The following KRT8 variants were observed in gnomAD, a reference collection of about 807,000 sequenced individuals.
The protein encoded by KRT8 is keratin 8.
KRT8 carries 24 observed loss-of-function variants against 43.0 expected under a neutral mutation model. That is an observed-to-expected ratio of 0.56 (90% CI 0.40 to 0.78). KRT8 has a LOEUF of 0.78. Ranked by LOEUF, KRT8 falls within the 30% of genes least tolerant of loss-of-function variation. The pLI, the probability that KRT8 is intolerant of heterozygous loss-of-function variation, is 0.00. For synonymous variants in KRT8, 214 were observed against 261.2 expected (o/e 0.82, Z 1.74); for missense variants, 492 against 638.4 (o/e 0.77, Z 2.47).
chr12:52,899,756 C>T lies in KRT8; in HGVS notation c.981+19G>A. On this transcript the variant is annotated intron_variant, in intron 5 of 7. Transcript: ENST00000692008. ...GGATGTGTCCAAGGAACCCCTCCCA[C>T]CCCCAACCCGGCCCATACCTGGCCT... 6.2e-7 allele frequency: 1 copy of T among 1,604,484 alleles called. No homozygotes were observed. The highest frequency in any genetic ancestry group is 8.5e-7 in the Non-Finnish European group (1 of 1,173,210).
chr12:52,912,370 C>G (rs1941652915), intron 2 of KRT8, among the ~76,000 whole-genome samples: 3 of 152,202 alleles, frequency 2.0e-5, no homozygotes, highest in Admixed American at 6.5e-5. Flanking sequence ...TTGGAAAAGT[C>G]CCCTTTACAA....
At chr12:52,916,160 A>G (rs1209560336) in intron 2 of KRT8, among the ~76,000 whole-genome samples, 1 of 152,160 alleles carries the variant, frequency 6.6e-6, no homozygotes, top group Non-Finnish European at 1.5e-5. Context: ...TGCAGGCTGC[A>G]GGAAGGGAGG....
At chr12:52,933,954 G>C (rs1042865117) in intron 2 of KRT8, among the ~76,000 whole-genome samples, 3 of 151,630 alleles carry the variant, frequency 2.0e-5, no homozygotes, top group Non-Finnish European at 2.9e-5. Flanking sequence ...GAATAGCCGG[G>C]AACGGTGGCT....
chr12:52,900,698 G>A lies in KRT8; in HGVS notation c.595-15C>T, dbSNP rs570641302. The A allele has an allele frequency of 9.5e-6, 15 of 1,583,408 alleles. No individual in the cohort carries two copies. The African/African-American group carries it at 1.2e-4, about 13-fold the overall frequency. On this transcript the variant is annotated splice_polypyrimidine_tract_variant and intron_variant, in intron 3 of 7. Transcript: ENST00000692008. The stretch of plus-strand genomic sequence containing the variant: ...TCATCCACATCCTGGGGGATGAGGA[G>A]AGGGGAGCCTGAGCTGGGTTTCCAC...
At chr12:52,934,092 G>A (rs1419137056) in intron 2 of KRT8, among the ~76,000 whole-genome samples, 2 of 151,846 alleles carry the variant, frequency 1.3e-5, no homozygotes, top group African/African-American at 4.8e-5. Context: ...AGCCGGGCAT[G>A]GTGGCATGTG....
intron 2 of KRT8, chr12:52,926,336 T>TGG: frequency 2.6e-6 from 1 of 385,516 alleles, no homozygotes; most frequent in East Asian, 5.4e-5. Context: ...CTAGCTGCCC[T>TGG]CCCCACCCCA....
upstream of KRT8, among the ~76,000 whole-genome samples, chr12:52,908,717 ATGG>A (rs1326182751): frequency 6.6e-6 from 1 of 152,152 alleles, no homozygotes; most frequent in Admixed American, 6.6e-5. Flanking sequence ...TCTAAATTTG[ATGG>A]TGGTGGGCAG....
At chr12:52,901,249 T>A (rs1365756671) in intron 2 of KRT8, 30 bp from the exon 3 acceptor site, 1 of 1,564,674 alleles carries the variant, frequency 6.4e-7, no homozygotes, top group Admixed American at 1.7e-5. Context: ...AATTAGAGGA[T>A]GAAGGCAAAA....
chr12:52,918,009 G>A (rs1319143556), intron 2 of KRT8, among the ~76,000 whole-genome samples: 1 of 108,836 alleles, frequency 9.2e-6, no homozygotes, highest in Non-Finnish European at 1.8e-5. Context: ...AGGAGAGGAA[G>A]AAGAAGGAGA....
intron 2 of KRT8, among the ~76,000 whole-genome samples, chr12:52,929,790 C>T (rs1479214191): frequency 1.3e-5 from 2 of 152,176 alleles, no homozygotes; most frequent in African/African-American, 4.8e-5. Flanking sequence ...ACCTCCCTGC[C>T]TCCACCTCTT....
chr12:52,915,371 C>CT (rs1175477915), intron 2 of KRT8, among the ~76,000 whole-genome samples: 2 of 139,110 alleles, frequency 1.4e-5, no homozygotes, highest in East Asian at 4.1e-4. Flanking sequence ...AAGACTCCAT[C>CT]TCAAAAAAAA....
At chr12:52,903,958 C>T (rs1941445006) in intron 1 of KRT8, among the ~76,000 whole-genome samples, 1 of 150,898 alleles carries the variant, frequency 6.6e-6, no homozygotes, top group South Asian at 2.1e-4. Flanking sequence ...GCCCCTCACC[C>T]CGCCCTCGGC....
exon 1 of KRT8, chr12:52,904,829 G>A (rs1174786528): frequency 3.7e-6 from 6 of 1,612,424 alleles, no homozygotes; most frequent in East Asian, 2.2e-5. Context: ...CATAGCCGCC[G>A]CCCAGGCCAC....
At chr12:52,948,729 A>G (rs1250756410) in intron 2 of KRT8, 2 of 397,682 alleles carry the variant, frequency 5.0e-6, no homozygotes, top group Non-Finnish European at 4.4e-6. Context: ...TGACCTCGTG[A>G]TCCGCCCACC....
At position 52,918,162 on chromosome 12, in the gene KRT8, A is replaced by AGAAGAG. The variant is rs869197066; in HGVS notation, c.-46-13136_-46-13135insCTCTTC. Reference sequence around the variant, plus strand: ...GAGAGGGAGAGGGAGAAGGGGAAGAAGAAGAAGAAGAGGAAGAGGAAGAAG... The same window carrying AGAAGAG: ...GAGAGGGAGAGGGAGAAGGGGAAGAAGAAGAGGAAGAAGAAGAGGAAGAGGAAGAAG... On this transcript the variant is annotated intron_variant, in intron 2 of 6. Coordinates refer to the KRT8 transcript ENST00000546826. Among the ~76,000 whole-genome samples the AGAAGAG allele has an allele frequency of 2.1e-4, 23 of 109,574 alleles. 1 individual carries two copies. The highest frequency in any genetic ancestry group is 8.2e-4 in the African/African-American group (21 of 25,592). The allele number at this position is 109,574 out of a possible 152,430, so 71.9% of individuals were successfully genotyped here.
chr12:52,899,007 C>T, intron 5 of KRT8, 108 bp from the exon 6 acceptor site: 1 of 953,528 alleles, frequency 1.0e-6, no homozygotes, highest in Non-Finnish European at 1.6e-6. Context: ...GCTGACTCCC[C>T]CCAGCTCAAA....
intron 2 of KRT8, among the ~76,000 whole-genome samples, chr12:52,944,631 C>G (rs1942316359): frequency 6.6e-6 from 1 of 152,330 alleles, no homozygotes; most frequent in East Asian, 1.9e-4. Flanking sequence ...GGTTCCCCGA[C>G]TTCTCTGAGC....
At chr12:52,917,939 G>GGAAGAAGAGGAAGAGGAAGAA (rs1160805509) in intron 2 of KRT8, among the ~76,000 whole-genome samples, 5 of 132,302 alleles carry the variant, frequency 3.8e-5, no homozygotes, top group East Asian at 2.2e-4. Context: ...AAGGAGAAGA[G>GGAAGAAGAGGAAGAGGAAGAA]GAAGAAGAGG....
At chr12:52,919,047 G>A (rs886227046) in intron 2 of KRT8, among the ~76,000 whole-genome samples, 3 of 152,086 alleles carry the variant, frequency 2.0e-5, no homozygotes, top group Non-Finnish European at 4.4e-5. Flanking sequence ...GAGCTTATAG[G>A]ATAGTAATAA....
Sources: gnomAD v4.1 joint callset for allele counts (sites outside exome capture counted in the v4.1 genomes callset) on GRCh38, gnomAD v4.1.1 for gene constraint, MANE v1.5 for transcripts, NCBI Gene and HGNC (gene_info 2026-07-23, HGNC 2026-07-21) for gene names.